The following BBX variants were observed in gnomAD, a reference collection of about 807,000 sequenced individuals.
BBX encodes BBX high mobility group box domain containing.
A neutral mutation model predicts 100.2 loss-of-function variants in BBX; 30 were observed. The observed-to-expected ratio is 0.30, with a 90% CI of 0.22 to 0.41. The LOEUF (loss-of-function observed/expected upper bound fraction) is 0.41. Among genes scored for constraint, BBX ranks in the 10% least tolerant of loss-of-function variants. The pLI is 1.00. For synonymous variants in BBX, 376 were observed against 388.1 expected (o/e 0.97, Z 0.37); for missense variants, 1,023 against 1,129.8 (o/e 0.91, Z 1.35).
intron 2 of BBX, among the ~76,000 whole-genome samples, chr3:107,638,960 G>C (rs2057033414): frequency 6.6e-6 from 1 of 151,954 alleles, no homozygotes; most frequent in African/African-American, 2.4e-5. Context: ...CTGCACTCCA[G>C]CCTGGGCAAC....
chr3:107,758,236 G>T (rs368984351), intron 10 of BBX, among the ~76,000 whole-genome samples: 8 of 152,110 alleles, frequency 5.3e-5, no homozygotes, highest in African/African-American at 1.9e-4. Flanking sequence ...TTCTTCTTTG[G>T]CAAGAAACAA....
At chr3:107,763,408 T>G (rs1576685703) in intron 10 of BBX, among the ~76,000 whole-genome samples, 1 of 152,186 alleles carries the variant, frequency 6.6e-6, no homozygotes, top group African/African-American at 2.4e-5. Context: ...TTATTACGTC[T>G]TTTAAAGCAG....
chr3:107,739,288 G>T (rs2063891594), intron 7 of BBX, among the ~76,000 whole-genome samples: 1 of 152,138 alleles, frequency 6.6e-6, no homozygotes, highest in South Asian at 2.1e-4. Flanking sequence ...CCTTGCCCCA[G>T]TTCCTACCTG....
At chr3:107,607,885 G>A (rs2054568018) in intron 2 of BBX, among the ~76,000 whole-genome samples, 1 of 151,950 alleles carries the variant, frequency 6.6e-6, no homozygotes, top group Non-Finnish European at 1.5e-5. Context: ...AGATCTTTTG[G>A]CCATTTTAAA....
intron 9 of BBX, 152 bp downstream of exon 9, chr3:107,748,191 G>T (rs1301789027): frequency 5.1e-6 from 3 of 592,186 alleles, no homozygotes; most frequent in Non-Finnish European, 8.2e-6. Flanking sequence ...TGCTTTTTCT[G>T]CTGCCTTTGA....
chr3:107,772,531 A>C (rs944813279), intron 10 of BBX, 97 bp from the exon 11 acceptor site: 232 of 1,275,438 alleles, frequency 1.8e-4, no homozygotes, highest in Admixed American at 6.4e-4. Context: ...GTGTGTTTTG[A>C]TTATTTTTAA....
At chr3:107,763,045 A>G (rs2066024826) in intron 10 of BBX, among the ~76,000 whole-genome samples, 1 of 152,190 alleles carries the variant, frequency 6.6e-6, no homozygotes, top group Non-Finnish European at 1.5e-5. Context: ...ATGAAACATA[A>G]ATGAATTTTG....
intron 3 of BBX, among the ~76,000 whole-genome samples, chr3:107,682,238 T>G (rs2059609132): frequency 6.6e-6 from 1 of 152,138 alleles, no homozygotes; most frequent in Admixed American, 6.6e-5. Flanking sequence ...CATTTAATAG[T>G]TTTTCCAGTG....
chr3:107,808,358 A>C lies in BBX; in HGVS notation c.*2901A>C, dbSNP rs1353908926. The C allele has an allele frequency of 6.6e-6, 1 of 152,176 alleles. No homozygotes were observed. Among genetic ancestry groups the C allele is most frequent in the African/African-American group, 2.4e-5 (1 of 41,434 alleles). The allele number at this position is 152,176 out of a possible 1,614,324, so 9.4% of individuals were successfully genotyped here. On this transcript the variant is annotated 3_prime_UTR_variant, in exon 18 of 18. Coordinates refer to ENST00000325805, the MANE Select transcript of BBX (RefSeq NM_001142568.3). ...CATTCTGAATTTAGTTGAAATTATC[A>C]ATATTTATGCTTTTAACCTTAATTT...
chr3:107,796,870 CT>C (rs2069729840), intron 15 of BBX, among the ~76,000 whole-genome samples: 1 of 152,116 alleles, frequency 6.6e-6, no homozygotes, highest in African/African-American at 2.4e-5. Flanking sequence ...GATCTGCAAT[CT>C]AAAAGGAGTA....
At position 107,811,275 on chromosome 3, in the gene BBX, T is replaced by G. The variant is rs2071271381; in HGVS notation, c.*5818T>G. On this transcript the variant is annotated 3_prime_UTR_variant, in exon 18 of 18. Coordinates refer to ENST00000325805, the MANE Select transcript of BBX (RefSeq NM_001142568.3). ...AGTATGTGCCTTTAATGTACCATTT[T>G]CACTAAAAACAGTAGGAAAAATACT... The G allele has an allele frequency of 6.6e-6, 1 of 152,224 alleles. No homozygotes were observed. The highest frequency in any genetic ancestry group is 2.4e-5 in the African/African-American group (1 of 41,450). 9.4% of individuals were successfully genotyped at this position (152,224 alleles called of 1,614,324 possible).
intron 3 of BBX, among the ~76,000 whole-genome samples, chr3:107,701,215 G>A (rs1413334367): frequency 6.6e-6 from 1 of 152,036 alleles, no homozygotes; most frequent in East Asian, 1.9e-4. Flanking sequence ...TTTTTCATGT[G>A]TTTTCTTAGA....
At chr3:107,689,316 T>G (rs1048895120) in intron 3 of BBX, among the ~76,000 whole-genome samples, 1 of 152,208 alleles carries the variant, frequency 6.6e-6, no homozygotes, top group African/African-American at 2.4e-5. Context: ...TTCCCTTACG[T>G]GCTGTGTTGC....
intron 3 of BBX, among the ~76,000 whole-genome samples, chr3:107,654,055 C>T (rs1010559963): frequency 2.0e-5 from 3 of 151,970 alleles, no homozygotes; most frequent in African/African-American, 7.3e-5. Context: ...TTAGAGTTAC[C>T]AAATCATTAA....
chr3:107,597,985 A>G (rs1372625462), intron 2 of BBX, among the ~76,000 whole-genome samples: 2 of 152,132 alleles, frequency 1.3e-5, no homozygotes, highest in Admixed American at 6.5e-5. Context: ...AGATAGGGTA[A>G]TCTACTCCCC....
chr3:107,649,241 A>G (rs1272077440), intron 3 of BBX, among the ~76,000 whole-genome samples: 1 of 152,220 alleles, frequency 6.6e-6, no homozygotes, highest in Non-Finnish European at 1.5e-5. Context: ...GGGGATTAGT[A>G]CGATTTAAGA....
rs1336941209 is a variant in BBX, at chr3:107,722,353, C to T, written c.405+5504C>T. On this transcript the variant is annotated intron_variant, in intron 5 of 17. Transcript: ENST00000325805. Reference sequence around the variant, plus strand: ...AGATCTTAGTAGACAGATCACTGTCCACCTTTTTAAAAGTAGTAAAATTAT... The same window carrying T: ...AGATCTTAGTAGACAGATCACTGTCTACCTTTTTAAAAGTAGTAAAATTAT... Among the ~76,000 whole-genome samples, 3 of 151,900 alleles carry T rather than the reference C, an allele frequency of 2.0e-5. No individual in the cohort carries two copies. In the East Asian group the frequency reaches 5.8e-4, roughly 29 times the overall value.
chr3:107,733,165 CTG>C, intron 7 of BBX, 142 bp downstream of exon 7: 6 of 739,980 alleles, frequency 8.1e-6, no homozygotes, highest in Non-Finnish European at 1.1e-5. Context: ...TAAGATCTTT[CTG>C]TGTGTCTTGT....
intron 13 of BBX, among the ~76,000 whole-genome samples, chr3:107,783,380 T>C (rs1433893632): frequency 6.6e-6 from 1 of 152,116 alleles, no homozygotes; most frequent in Non-Finnish European, 1.5e-5. Context: ...ATGATTGTTA[T>C]TTTTTCATGT....
Sources: allele counts gnomAD v4.1 joint callset (sites outside exome capture counted in the v4.1 genomes callset), GRCh38; gene constraint gnomAD v4.1.1; transcripts MANE v1.5; gene names NCBI Gene and HGNC (gene_info 2026-07-23, HGNC 2026-07-21).